The following KRT36 variants were observed in gnomAD, a reference collection of about 807,000 sequenced individuals.
The protein encoded by KRT36 is keratin, type I cuticular Ha6.
KRT36 carries 41 observed loss-of-function variants against 43.0 expected under a neutral mutation model. The ratio of observed to expected loss-of-function variants is 0.95; its 90% CI spans 0.74 to 1.24. KRT36 has a LOEUF of 1.24. KRT36 is among the 50% of genes most tolerant of loss of function. The pLI is 0.00. For missense variants in KRT36, 627 were observed against 595.3 expected, an observed-to-expected ratio of 1.05 and a Z score of -0.55; for synonymous variants, 277 against 252.9, an observed-to-expected ratio of 1.10 and a Z score of -0.90.
Position 41,489,431 on chromosome 17 carries a change from T to A in KRT36, c.434A>T (p.Lys145Met). 1 of 1,614,044 alleles carries A rather than the reference T, an allele frequency of 6.2e-7. No individual in the cohort carries two copies. Among genetic ancestry groups the A allele is most frequent in the Non-Finnish European group, 8.5e-7 (1 of 1,179,900 alleles). ...YICPDYQSYF[K>M]TIEDFQQKIL... ...CTTCTGCTGGAAATCTTCGATGGTC[T>A]TGAAGTAGGACTGGTAGTCTGGGCA... Residue 145 changes from lysine to methionine, a missense_variant, in exon 1 of 7, where the codon AAG becomes ATG. Coordinates refer to ENST00000328119, the MANE Select transcript of KRT36 (RefSeq NM_003771.5).
chr17:41,489,443 T>C lies in KRT36; in HGVS notation c.422A>G (p.Gln141Arg), dbSNP rs1330618238. 2 of 1,614,202 alleles carry C rather than the reference T, an allele frequency of 1.2e-6. No individual in the cohort carries two copies. The highest frequency in any genetic ancestry group is 1.3e-5 in the African/African-American group (1 of 75,058). Residue 141 changes from glutamine to arginine, a missense_variant, in exon 1 of 7, where the codon CAG becomes CGG. Gln to Arg is a conservative substitution (Grantham distance 43). Coordinates refer to ENST00000328119, the MANE Select transcript of KRT36 (RefSeq NM_003771.5). ...ATCTTCGATGGTCTTGAAGTAGGAC[T>C]GGTAGTCTGGGCAGATGTATGGGAT... ...FQIPYICPDY[Q>R]SYFKTIEDFQ...
intron 6 of KRT36, 37 bp from the exon 7 acceptor site, chr17:41,486,608 C>T (rs908962450): frequency 1.3e-5 from 19 of 1,461,780 alleles, no homozygotes; most frequent in Admixed American, 7.0e-5. Context: ...CATTTGGCAT[C>T]GGAGCACTGG....
In KRT36 at chr17:41,489,571, C is replaced by A; in HGVS notation, c.294G>T (p.Gln98His). The change falls in exon 1 of 7, where the codon CAG becomes CAT. Residue 98 changes from glutamine (Q) to histidine (H), a missense_variant. Gln to His is a conservative substitution (Grantham distance 24). Coordinates refer to ENST00000328119, the MANE Select transcript of KRT36 (RefSeq NM_003771.5). ...SFNGSEKETM[Q>H]FLNDRLANYL... ...AGTTGGCCAGGCGGTCGTTCAGGAA[C>A]TGCATAGTCTCCTTCTCGCTGCCGT... 1 of 1,614,210 alleles carries A rather than the reference C, an allele frequency of 6.2e-7. No homozygotes were observed.
chr17:41,487,564 C>A lies in KRT36; in HGVS notation c.861+12G>T, dbSNP rs760469291. 6.2e-7 allele frequency: 1 copy of A among 1,613,716 alleles called. No individual in the cohort carries two copies. The highest frequency in any genetic ancestry group is 1.1e-5 in the South Asian group (1 of 91,054). ...CCCAGGAGCCTGTGGTCCCAGGGCA[C>A]CCCAGCCCCACCTGGGTGTTGAACC... On this transcript the variant is annotated intron_variant, in intron 4 of 6. Coordinates refer to ENST00000328119, the MANE Select transcript of KRT36 (RefSeq NM_003771.5).
At chr17:41,488,546 C>T in intron 2 of KRT36, 96 bp downstream of exon 2, 2 of 1,511,770 alleles carry the variant, frequency 1.3e-6, no homozygotes, top group East Asian at 2.3e-5. Flanking sequence ...GCCACATTTT[C>T]CCATCCAGCC....
chr17:41,489,882 G>C lies in KRT36; in HGVS notation c.-18C>G. On this transcript the variant is annotated 5_prime_UTR_variant, in exon 1 of 7. Coordinates refer to ENST00000328119, the MANE Select transcript of KRT36 (RefSeq NM_003771.5). ...GTGGCCATGGTGCTAGCAGAGGAAGGTTGCAGCTTAGCAAGGAGCTCAGGT... is the reference window on the plus strand; with the variant it reads ...GTGGCCATGGTGCTAGCAGAGGAAGCTTGCAGCTTAGCAAGGAGCTCAGGT... 6.2e-7 allele frequency: 1 copy of C among 1,601,234 alleles called. No individual in the cohort carries two copies. Among genetic ancestry groups the C allele is most frequent in the South Asian group, 1.1e-5 (1 of 90,622 alleles).
chr17:41,488,552 C>T, intron 2 of KRT36, 90 bp downstream of exon 2: 1 of 1,516,778 alleles, frequency 6.6e-7, no homozygotes, highest in Non-Finnish European at 9.1e-7. Flanking sequence ...TTTTCCCATC[C>T]AGCCTTATTC....
At chr17:41,489,321 G>A (rs1032471187) in intron 1 of KRT36, 85 bp downstream of exon 1, 38 of 1,417,488 alleles carry the variant, frequency 2.7e-5, no homozygotes, top group South Asian at 5.2e-5. Flanking sequence ...AAAAGCTACC[G>A]TCCCATCTGG....
intron 6 of KRT36, 110 bp from the exon 7 acceptor site, chr17:41,486,681 A>T (rs1020615579): frequency 1.1e-6 from 1 of 883,388 alleles, no homozygotes; most frequent in Non-Finnish European, 1.7e-6. Flanking sequence ...GGATCATCTC[A>T]GTGCCTCTGA....
In KRT36 at chr17:41,487,674, G is replaced by T; in HGVS notation, c.763C>A (p.Pro255Thr). 6.2e-7 allele frequency: 1 copy of T among 1,614,142 alleles called. No individual in the cohort carries two copies. The highest frequency in any genetic ancestry group is 1.7e-5 in the Admixed American group (1 of 60,020). ...TCCAGGATCTTGTTGAGATCCACTG[G>T]GGGAGCAGCGTCCACCTCCACATTC... ...RLNVEVDAAPPVDLNKILEDM... is the reference protein window; with the variant it reads ...RLNVEVDAAPTVDLNKILEDM... The change falls in exon 4 of 7, where the codon CCA becomes ACA. Residue 255 changes from proline (P) to threonine (T), a missense_variant. Coordinates refer to ENST00000328119, the MANE Select transcript of KRT36 (RefSeq NM_003771.5).
chr17:41,487,642 C>T lies in KRT36; in HGVS notation c.795G>A (p.Met265Ile), dbSNP rs146645829. ...CCACCAGGGCCTCGTACTGGCATCT[C>T]ATATCCTCCAGGATCTTGTTGAGAT... ...PVDLNKILED[M>I]RCQYEALVEN... Residue 265 changes from methionine to isoleucine, a missense_variant, in exon 4 of 7, where the codon ATG becomes ATA. Physicochemically the swap from Met to Ile is conservative, Grantham distance 10. Coordinates refer to ENST00000328119, the MANE Select transcript of KRT36 (RefSeq NM_003771.5). The T allele has an allele frequency of 6.2e-7, 1 of 1,614,212 alleles. No homozygotes were observed. The highest frequency in any genetic ancestry group is 8.5e-7 in the Non-Finnish European group (1 of 1,180,018).
chr17:41,487,594 C>A lies in KRT36; in HGVS notation c.843G>T (p.Glu281Asp). Reference protein sequence around the residue: ...ALVENNRRDVEAWFNTQTEEL... With the variant: ...ALVENNRRDVDAWFNTQTEEL... ...GCCCCACCTGGGTGTTGAACCAGGC[C>A]TCCACATCTCTGCGGTTATTCTCCA... Residue 281 changes from glutamate (E) to aspartate (D), a missense_variant, in exon 4 of 7, where the codon GAG (glutamate) becomes GAT (aspartate). Glu to Asp is a conservative substitution (Grantham distance 45). Transcript: ENST00000328119. The A allele has an allele frequency of 6.2e-7, 1 of 1,614,136 alleles. No homozygotes were observed. The highest frequency in any genetic ancestry group is 8.5e-7 in the Non-Finnish European group (1 of 1,179,986).
chr17:41,487,014 C>T lies in KRT36; in HGVS notation c.1144G>A (p.Val382Ile), dbSNP rs140841887. The T allele has an allele frequency of 2.9e-5, 47 of 1,614,012 alleles. No homozygotes were observed. The highest frequency in any genetic ancestry group is 6.7e-5 in the African/African-American group (5 of 74,928). Reference protein sequence around the residue: ...QNQEYQVLLDVKARLEGEIAT... With the variant: ...QNQEYQVLLDIKARLEGEIAT... ...ATCTCGCCCTCCAGCCGGGCCTTGA[C>T]GTCCAGTAACACCTGGTACTCCTGG... Residue 382 changes from valine to isoleucine, a missense_variant, in exon 6 of 7, where the codon GTC becomes ATC. By Grantham distance (29) the Val-to-Ile change is conservative (BLOSUM62 3). Coordinates refer to ENST00000328119, the MANE Select transcript of KRT36 (RefSeq NM_003771.5).
intron 6 of KRT36, 36 bp from the exon 7 acceptor site, chr17:41,486,607 T>A: frequency 6.8e-7 from 1 of 1,466,582 alleles, no homozygotes. Flanking sequence ...GCATTTGGCA[T>A]CGGAGCACTG....
Position 41,486,391 on chromosome 17 carries a change from C to G in KRT36, c.1389G>C (p.Gln463His). The change falls in exon 7 of 7, where the codon CAG (glutamine) becomes CAC (histidine). Residue 463 changes from glutamine (Q) to histidine (H), a missense_variant. Gln to His is a conservative substitution (Grantham distance 24). Transcript: ENST00000328119. Reference sequence around the variant, plus strand: ...AAGTGGGCTGTCACAGCGGGCGGGACTGCACGTGCTCCCTGGAGGAGATGA... The same window carrying G: ...AAGTGGGCTGTCACAGCGGGCGGGAGTGCACGTGCTCCCTGGAGGAGATGA... ...GKVISSREHV[Q>H]SRPL The G allele has an allele frequency of 6.2e-7, 1 of 1,613,970 alleles. No individual in the cohort carries two copies. The highest frequency in any genetic ancestry group is 8.5e-7 in the Non-Finnish European group (1 of 1,179,986).
chr17:41,489,366 G>T lies in KRT36; in HGVS notation c.459+40C>A, dbSNP rs201241070. 85 of 1,592,252 alleles carry T rather than the reference G, an allele frequency of 5.3e-5. 1 individual carries two copies. The African/African-American group carries it at 1.0e-3, about 19-fold the overall frequency. ...GGAATGAGACAGACGCCTCCTAAGA[G>T]TTGGGCTGCTCAGCTGGAAAGGGGC... On this transcript the variant is annotated intron_variant, in intron 1 of 6. Transcript: ENST00000328119.
chr17:41,488,511 C>A, intron 2 of KRT36, 112 bp from the exon 3 acceptor site: 1 of 1,509,740 alleles, frequency 6.6e-7, no homozygotes, highest in East Asian at 2.3e-5. Context: ...CATGACACTC[C>A]TTTCCCCTGA....
Position 41,487,396 on chromosome 17 carries a change from A to C in KRT36, c.942T>G (p.Arg314=), listed in dbSNP as rs1406505882. 4 of 1,613,590 alleles carry C rather than the reference A, an allele frequency of 2.5e-6. No individual in the cohort carries two copies. The highest frequency in any genetic ancestry group is 2.2e-5 in the East Asian group (1 of 44,890). ...CCQTEIIELR[R]TVNALEIELQ... is the part of the protein sequence containing the mutation. ...GCTCAATCTCTAGCGCGTTGACCGT[A>C]CGTCTCAGCTCGATGATCTCCGTCT... is the stretch of plus-strand genomic sequence containing the variant. The change falls in exon 5 of 7, where the codon CGT becomes CGG. Residue 314 remains arginine, a synonymous_variant. Coordinates refer to ENST00000328119, the MANE Select transcript of KRT36 (RefSeq NM_003771.5).
At position 41,487,074 on chromosome 17, in the gene KRT36, G is replaced by A. The variant is rs774717808; in HGVS notation, c.1084C>T (p.Leu362=). 1 of 1,614,228 alleles carries A rather than the reference G, an allele frequency of 6.2e-7. No homozygotes were observed. The highest frequency in any genetic ancestry group is 8.5e-7 in the Non-Finnish European group (1 of 1,180,030). The part of the protein sequence containing the change: ...QCLISNVEAQ[L]SEIRCDLERQ... ...TCCAGGTCGCAGCGGATCTCAGACA[G>A]CTGGGCCTCCACGTTGCTGATCAGG... The change falls in exon 6 of 7, where the codon CTG becomes TTG. Residue 362 remains leucine, a synonymous_variant. Coordinates refer to ENST00000328119, the MANE Select transcript of KRT36 (RefSeq NM_003771.5).
Sources: gnomAD v4.1 joint callset for allele counts on GRCh38, gnomAD v4.1.1 for gene constraint, MANE v1.5 for transcripts, NCBI Gene and HGNC (gene_info 2026-07-23, HGNC 2026-07-21) for gene names.